Variants in MACROD2 observed in about 807,000 individuals in gnomAD.
MACROD2 encodes ADP-ribose glycohydrolase MACROD2.
In MACROD2, 36 loss-of-function variants were observed where a neutral mutation model predicts 70.4. The ratio of observed to expected loss-of-function variants is 0.51; its 90% CI spans 0.39 to 0.68. The LOEUF is 0.68. Among genes scored for constraint, MACROD2 ranks in the 30% least tolerant of loss-of-function variants. The probability of loss-of-function intolerance (pLI) is 0.00; values close to 1 mark genes in which losing one functional copy is unlikely to be tolerated. For missense variants in MACROD2, 496 were observed against 538.4 expected (o/e 0.92, Z 0.78); for synonymous variants, 172 against 178.8 (o/e 0.96, Z 0.30).
intron 15 of MACROD2, among the ~76,000 whole-genome samples, chr20:16,039,118 T>C (rs1004284832): frequency 3.9e-5 from 6 of 151,976 alleles, no homozygotes; most frequent in Non-Finnish European, 7.4e-5. Context: ...AATGTCAGCT[T>C]CACCATTTTG....
chr20:15,091,341 A>C (rs2123165092), intron 5 of MACROD2, among the ~76,000 whole-genome samples: 1 of 151,904 alleles, frequency 6.6e-6, no homozygotes, highest in African/African-American at 2.4e-5. Context: ...GGACTTAAAA[A>C]ATAAAACCAA....
At chr20:15,385,963 T>TA (rs1174716038) in intron 6 of MACROD2, among the ~76,000 whole-genome samples, 1 of 152,204 alleles carries the variant, frequency 6.6e-6, no homozygotes, top group Non-Finnish European at 1.5e-5. Flanking sequence ...TCACGAGAGC[T>TA]AAAATCTTTG....
rs3072220 is a variant in MACROD2 at position 15,910,394 on chromosome 20, A to ATGTGTG, written c.776-22850_776-22845dup. ...TTGTGATGTGGCCAAGTCAGAGGAC[A>ATGTGTG]TGTGTGTGTGTGTGTGTGTGTGTGT... On this transcript the variant is annotated intron_variant, in intron 10 of 17. Transcript: ENST00000684519. Among the ~76,000 whole-genome samples the ATGTGTG allele has an allele frequency of 3.6e-3, 527 of 146,440 alleles. 5 individuals carry two copies. The highest frequency in any genetic ancestry group is 0.012 in the South Asian group (53 of 4,564).
intron 11 of MACROD2, among the ~76,000 whole-genome samples, chr20:15,936,936 T>C (rs2065673091): frequency 6.6e-6 from 1 of 152,004 alleles, no homozygotes; most frequent in African/African-American, 2.4e-5. Context: ...TGTTCTTGGG[T>C]GACATGAAAG....
chr20:14,925,542 G>A (rs1417221394), intron 5 of MACROD2, among the ~76,000 whole-genome samples: 1 of 152,156 alleles, frequency 6.6e-6, no homozygotes, highest in Admixed American at 6.5e-5. Context: ...CCTTGGAAAG[G>A]AAAATGACAT....
At chr20:14,161,965 C>CT (rs1419196868) in intron 3 of MACROD2, among the ~76,000 whole-genome samples, 1 of 152,030 alleles carries the variant, frequency 6.6e-6, no homozygotes, top group African/African-American at 2.4e-5. Flanking sequence ...GTGCAGGTGT[C>CT]TTTTTTATAT....
chr20:14,094,854 C>T (rs1479277483), intron 3 of MACROD2, among the ~76,000 whole-genome samples: 1 of 152,170 alleles, frequency 6.6e-6, no homozygotes, highest in Non-Finnish European at 1.5e-5. Flanking sequence ...TGCCAGTCTC[C>T]AGTCCACCAG....
chr20:14,348,005 T>TA (rs1302164555), intron 3 of MACROD2, among the ~76,000 whole-genome samples: 1 of 152,158 alleles, frequency 6.6e-6, no homozygotes, highest in African/African-American at 2.4e-5. Context: ...CTTACACCTG[T>TA]AATCCCAGCA....
At chr20:14,893,272 T>C (rs1183455935) in intron 5 of MACROD2, 1 of 152,132 alleles carries the variant, frequency 6.6e-6, no homozygotes, top group Non-Finnish European at 1.5e-5. Flanking sequence ...TGTGCAGATA[T>C]CTCTTGGAGA....
intron 5 of MACROD2, among the ~76,000 whole-genome samples, chr20:14,721,819 A>G (rs1247268485): frequency 3.3e-5 from 5 of 152,196 alleles, no homozygotes; most frequent in Non-Finnish European, 7.3e-5. Context: ...CAACCAAGAT[A>G]GGCTTTTCCT....
At chr20:15,819,503 A>T (rs1035647041) in intron 8 of MACROD2, among the ~76,000 whole-genome samples, 1 of 146,712 alleles carries the variant, frequency 6.8e-6, no homozygotes, top group African/African-American at 2.5e-5. Flanking sequence ...ATAAATATAT[A>T]TCTATATCGA....
chr20:14,263,847 T>C (rs941533769), intron 3 of MACROD2, among the ~76,000 whole-genome samples: 30 of 148,572 alleles, frequency 2.0e-4, no homozygotes, highest in African/African-American at 6.7e-4. Context: ...GCCTGCTAAC[T>C]TTTACTCCCA....
At chr20:15,990,999 C>T (rs1004240909) in intron 15 of MACROD2, among the ~76,000 whole-genome samples, 1 of 152,132 alleles carries the variant, frequency 6.6e-6, no homozygotes, top group Non-Finnish European at 1.5e-5. Flanking sequence ...CATAGGTTTT[C>T]CTCAGTTTTA....
chr20:15,754,831 G>A (rs1367739407), intron 8 of MACROD2, among the ~76,000 whole-genome samples: 1 of 150,886 alleles, frequency 6.6e-6, no homozygotes, highest in Non-Finnish European at 1.5e-5. Flanking sequence ...AAACAAGATT[G>A]TTGGGCCCAA....
At chr20:15,705,947 A>C (rs1182477639) in intron 8 of MACROD2, among the ~76,000 whole-genome samples, 1 of 152,224 alleles carries the variant, frequency 6.6e-6, no homozygotes, top group Admixed American at 6.5e-5. Flanking sequence ...TTTAGCAAAC[A>C]CATCAGATCA....
intron 5 of MACROD2, among the ~76,000 whole-genome samples, chr20:15,159,653 A>G (rs2076334097): frequency 6.6e-6 from 1 of 151,996 alleles, no homozygotes; most frequent in Non-Finnish European, 1.5e-5. Flanking sequence ...ATATGGGAGA[A>G]TGATTTTTTT....
At chr20:14,647,023 T>A (rs1386822661) in intron 4 of MACROD2, among the ~76,000 whole-genome samples, 1 of 152,166 alleles carries the variant, frequency 6.6e-6, no homozygotes, top group Non-Finnish European at 1.5e-5. Context: ...CGTCTGTTAA[T>A]GTTTTTATCA....
intron 15 of MACROD2, among the ~76,000 whole-genome samples, chr20:16,011,409 G>A (rs1357402944): frequency 6.6e-6 from 1 of 152,202 alleles, no homozygotes; most frequent in African/African-American, 2.4e-5. Context: ...GTTGTCCAGA[G>A]TTGAACCAGT....
chr20:15,424,962 G>A (rs975472708), intron 6 of MACROD2, among the ~76,000 whole-genome samples: 2 of 152,200 alleles, frequency 1.3e-5, no homozygotes, highest in African/African-American at 4.8e-5. Flanking sequence ...ATTAGGGGCC[G>A]CCTGAGGAGG....
Sources: allele counts gnomAD v4.1 joint callset (sites outside exome capture counted in the v4.1 genomes callset), GRCh38; gene constraint gnomAD v4.1.1; transcripts MANE v1.5; gene names NCBI Gene and HGNC (gene_info 2026-07-23, HGNC 2026-07-21).